NWD2: variants seen among roughly 807,000 people sequenced by gnomAD.
NWD2 encodes the protein NACHT and WD repeat domain-containing protein 2.
NWD2 carries 37 observed loss-of-function variants against 132.7 expected under a neutral mutation model. The ratio of observed to expected loss-of-function variants is 0.28; its 90% confidence interval spans 0.21 to 0.37. The LOEUF is 0.37. Among genes scored for constraint, NWD2 ranks in the 10% least tolerant of loss-of-function variants. The pLI, the probability that NWD2 is intolerant of heterozygous loss-of-function variation, is 1.00. For synonymous variants in NWD2, 705 were observed against 803.0 expected (o/e 0.88, Z 2.06); for missense variants, 1,592 against 2,122.4 (o/e 0.75, Z 4.91).
At chr4:37,335,124 T>C (rs889349747) in intron 2 of NWD2, among the ~76,000 whole-genome samples, 39 of 152,272 alleles carry the variant, frequency 2.6e-4, no homozygotes, top group African/African-American at 8.7e-4. Context: ...AGTCTATGCT[T>C]CTTGGCACAA....
At chr4:37,442,713 A>C (rs1016086683) in intron 6 of NWD2, among the ~76,000 whole-genome samples, 2 of 152,218 alleles carry the variant, frequency 1.3e-5, no homozygotes, top group African/African-American at 4.8e-5. Flanking sequence ...CCATAAAATT[A>C]TCTCTAAATC....
intron 1 of NWD2, among the ~76,000 whole-genome samples, chr4:37,310,843 C>T (rs1372173418): frequency 7.4e-6 from 1 of 134,444 alleles, no homozygotes; most frequent in Non-Finnish European, 1.5e-5. Flanking sequence ...TCCATGTGTT[C>T]TCATTGTTCA....
chr4:37,448,678 G>A lies in NWD2; in HGVS notation c.*1461G>A, dbSNP rs530012018. The A allele has an allele frequency of 1.2e-4, 19 of 152,256 alleles. No homozygotes were observed. The highest frequency in any genetic ancestry group is 4.6e-4 in the African/African-American group (19 of 41,558). The allele number at this position is 152,256 out of a possible 1,614,324, so 9.4% of individuals were successfully genotyped here. On this transcript the variant is annotated 3_prime_UTR_variant, in exon 7 of 7. Coordinates refer to ENST00000309447, the MANE Select transcript of NWD2 (RefSeq NM_001144990.2). ...ATGAACAAGGAATTGATTTGCTCTA[G>A]GCCCAGCTCTGCCATAAACTCATTG...
In NWD2 at chr4:37,443,907, A is replaced by G. The variant is rs370059705; in HGVS notation, c.1919A>G (p.Glu640Gly). The change falls in exon 7 of 7, where the codon GAA becomes GGA. Residue 640 changes from glutamate to glycine, a missense_variant. Transcript: ENST00000309447. The surrounding 1 kb of genome is among the most constrained non-coding windows in gnomAD (Gnocchi z 4.1). The part of the protein sequence containing the change: ...DESSLSVTVH[E>G]SIEQLFWSLE... ...TCCTCCCTCTCTGTCACCGTTCATG[A>G]AAGTATAGAGCAGTTATTCTGGTCC... 4 of 1,552,372 alleles carry G rather than the reference A, an allele frequency of 2.6e-6. No homozygotes were observed. Among genetic ancestry groups the G allele is most frequent in the East Asian group, 2.4e-5 (1 of 40,922 alleles).
intron 1 of NWD2, among the ~76,000 whole-genome samples, chr4:37,279,453 C>A (rs1422414477): frequency 6.6e-6 from 1 of 152,110 alleles, no homozygotes; most frequent in Non-Finnish European, 1.5e-5. Flanking sequence ...AAGTGAATAT[C>A]AGTTGATTTT....
intron 3 of NWD2, among the ~76,000 whole-genome samples, chr4:37,360,747 G>C (rs553464871): frequency 1.2e-4 from 19 of 152,190 alleles, no homozygotes; most frequent in Non-Finnish European, 2.1e-4. Flanking sequence ...CTTTTGGAGA[G>C]AGCAGAGGTC....
chr4:37,371,038 C>A (rs1005901752), intron 3 of NWD2, among the ~76,000 whole-genome samples: 1 of 148,728 alleles, frequency 6.7e-6, no homozygotes, highest in Non-Finnish European at 1.5e-5. Context: ...TTACAGAAGG[C>A]AAATTATTTG....
chr4:37,376,579 G>A (rs1205854015), intron 3 of NWD2, among the ~76,000 whole-genome samples: 1 of 152,132 alleles, frequency 6.6e-6, no homozygotes, highest in African/African-American at 2.4e-5. Context: ...GACATGGAAA[G>A]TTTCAGCCAT....
At chr4:37,367,575 A>G (rs1405093421) in intron 3 of NWD2, among the ~76,000 whole-genome samples, 1 of 152,192 alleles carries the variant, frequency 6.6e-6, no homozygotes, top group African/African-American at 2.4e-5. Flanking sequence ...TGTTCCTCTA[A>G]GGATAAACGG....
chr4:37,326,673 A>G (rs1474977836), intron 2 of NWD2, among the ~76,000 whole-genome samples: 1 of 152,202 alleles, frequency 6.6e-6, no homozygotes, highest in East Asian at 1.9e-4. Context: ...TGAAAAAAAT[A>G]AATGGCTCCT....
At chr4:37,427,291 A>G (rs933154310) in intron 3 of NWD2, among the ~76,000 whole-genome samples, 2 of 152,142 alleles carry the variant, frequency 1.3e-5, no homozygotes, top group African/African-American at 4.8e-5. Flanking sequence ...CACAACCCTG[A>G]CAAAGAGTGC....
At chr4:37,406,193 A>G (rs1365313934) in intron 3 of NWD2, among the ~76,000 whole-genome samples, 5 of 152,246 alleles carry the variant, frequency 3.3e-5, no homozygotes, top group Non-Finnish European at 7.3e-5. Flanking sequence ...AATGCAGAGT[A>G]AGTGATATTA....
At position 37,325,890 on chromosome 4, in the gene NWD2, ATGTGTGGACATAC is replaced by A. The variant is rs1350277139; in HGVS notation, c.152-44_152-32del. The A allele has an allele frequency of 9.6e-6, 11 of 1,141,732 alleles. No individual in the cohort carries two copies. In the East Asian group the frequency reaches 2.9e-4, roughly 30 times the overall value. 70.7% of individuals were successfully genotyped at this position (1,141,732 alleles called of 1,614,324 possible). Reference sequence around the variant, plus strand: ...GTTTTCATTTTTTTGCCAGAAACATATGTGTGGACATACTCACTTCCTGTGTGTTTGTCTTTCT... The same window carrying A: ...GTTTTCATTTTTTTGCCAGAAACATATCACTTCCTGTGTGTTTGTCTTTCT... On this transcript the variant is annotated intron_variant, in intron 1 of 6. Coordinates refer to ENST00000309447, the MANE Select transcript of NWD2 (RefSeq NM_001144990.2).
chr4:37,329,387 G>A (rs1311230243), intron 2 of NWD2, among the ~76,000 whole-genome samples: 1 of 152,162 alleles, frequency 6.6e-6, no homozygotes, highest in African/African-American at 2.4e-5. Context: ...ACAGAAAGTA[G>A]GGTTAGGGCA....
chr4:37,443,607 G>T lies in NWD2; in HGVS notation c.1619G>T (p.Arg540Leu). 1 of 1,551,764 alleles carries T rather than the reference G, an allele frequency of 6.4e-7. No individual in the cohort carries two copies. Among genetic ancestry groups the T allele is most frequent in the Non-Finnish European group, 8.7e-7 (1 of 1,147,018 alleles). The part of the protein sequence containing the change: ...WLPAHLPRFV[R>L]IVLSTLPNKH... The stretch of plus-strand genomic sequence containing the variant: ...CCAGCTCACCTGCCCCGCTTTGTCC[G>T]GATAGTCCTTTCCACGCTGCCCAAC... The change falls in exon 7 of 7, where the codon CGG (arginine) becomes CTG (leucine). Residue 540 changes from arginine (R) to leucine (L), a missense_variant. Coordinates refer to ENST00000309447, the MANE Select transcript of NWD2 (RefSeq NM_001144990.2). This position sits in a 1 kb window ranked among gnomAD's most constrained non-coding sequence, Gnocchi z 4.1.
intron 2 of NWD2, among the ~76,000 whole-genome samples, chr4:37,341,480 G>A (rs769242788): frequency 6.6e-6 from 1 of 152,182 alleles, no homozygotes; most frequent in Non-Finnish European, 1.5e-5. Flanking sequence ...GTACACGTGT[G>A]TGAGTGCATG....
chr4:37,293,486 A>G (rs1018950935), intron 1 of NWD2, among the ~76,000 whole-genome samples: 9 of 152,238 alleles, frequency 5.9e-5, no homozygotes, highest in Non-Finnish European at 1.0e-4. Context: ...AAATTATTTT[A>G]TACCTATTTT....
chr4:37,313,816 A>C (rs1237803582), intron 1 of NWD2, among the ~76,000 whole-genome samples: 2 of 150,952 alleles, frequency 1.3e-5, no homozygotes, highest in Non-Finnish European at 2.9e-5. Flanking sequence ...CTGCTGCCTC[A>C]GCCTCCTGAG....
At chr4:37,260,479 C>G (rs982048187) in intron 1 of NWD2, among the ~76,000 whole-genome samples, 3 of 152,164 alleles carry the variant, frequency 2.0e-5, no homozygotes, top group Non-Finnish European at 4.4e-5. Flanking sequence ...GTGAGTGCAT[C>G]TACTCGATTG....
Sources: gnomAD v4.1 joint callset for allele counts (sites outside exome capture counted in the v4.1 genomes callset) on GRCh38, gnomAD v4.1.1 for gene constraint, Gnocchi (gnomAD v3.1) non-coding constraint, MANE v1.5 for transcripts, NCBI Gene and HGNC (gene_info 2026-07-23, HGNC 2026-07-21) for gene names.